LCOR: variants seen among roughly 807,000 people sequenced by gnomAD.
The protein encoded by LCOR is ligand-dependent corepressor.
A neutral mutation model predicts 64.4 loss-of-function variants in LCOR; 14 were observed. The ratio of observed to expected loss-of-function variants is 0.22; its 90% CI spans 0.14 to 0.34. LCOR has a LOEUF of 0.34. Ranked by LOEUF, LCOR falls within the 10% of genes least tolerant of loss-of-function variation. The probability of loss-of-function intolerance (pLI) is 1.00; values close to 1 mark genes in which losing one functional copy is unlikely to be tolerated. For synonymous variants in LCOR, 643 were observed against 642.5 expected (o/e 1.00, Z -0.01); for missense variants, 1,686 against 1,765.3 (o/e 0.96, Z 0.80).
chr10:96,832,709 T>G, intron 1 of LCOR, among the ~76,000 whole-genome samples: 1 of 144,714 alleles, frequency 6.9e-6, no homozygotes, highest in Non-Finnish European at 1.5e-5. Context: ...CCCTCCCCGC[T>G]CCCGCCCCTG....
intron 2 of LCOR, among the ~76,000 whole-genome samples, chr10:96,879,061 G>A (rs1846217109): frequency 6.6e-6 from 1 of 152,156 alleles, no homozygotes; most frequent in South Asian, 2.1e-4. Flanking sequence ...CTCCCAAAGT[G>A]CTGGGATTAC....
intron 2 of LCOR, among the ~76,000 whole-genome samples, chr10:96,834,665 T>C (rs1032701749): frequency 1.3e-5 from 2 of 152,196 alleles, no homozygotes; most frequent in African/African-American, 4.8e-5. Context: ...GATTGGTTTT[T>C]TCAGCAGGGC....
intron 2 of LCOR, among the ~76,000 whole-genome samples, chr10:96,857,652 G>A (rs1364845809): frequency 6.6e-6 from 1 of 152,094 alleles, no homozygotes; most frequent in African/African-American, 2.4e-5. Context: ...GAAAATTTTA[G>A]AAAAATACTG....
Position 96,907,766 on chromosome 10 carries a change from A to C in LCOR, c.-184+19A>C. 1.2e-6 allele frequency: 1 copy of C among 861,052 alleles called. No individual in the cohort carries two copies. Among genetic ancestry groups the C allele is most frequent in the Non-Finnish European group, 1.4e-6 (1 of 716,030 alleles). 53.3% of individuals were successfully genotyped at this position (861,052 alleles called of 1,614,324 possible). ...AGTAAAGGTAACTAAGAAGCCTGTGAAACTTTTATTTAGTGTAGTATTTTA... is the reference window on the plus strand; with the variant it reads ...AGTAAAGGTAACTAAGAAGCCTGTGCAACTTTTATTTAGTGTAGTATTTTA... On this transcript the variant is annotated intron_variant, in intron 4 of 7. Transcript: ENST00000421806.
intron 4 of LCOR, among the ~76,000 whole-genome samples, chr10:96,937,696 A>G (rs570875353): frequency 6.6e-6 from 1 of 152,250 alleles, no homozygotes; most frequent in East Asian, 1.9e-4. Flanking sequence ...AATTAATACC[A>G]TTTCTTCACA....
At chr10:96,875,397 T>C (rs1846147209) in intron 2 of LCOR, among the ~76,000 whole-genome samples, 1 of 151,480 alleles carries the variant, frequency 6.6e-6, no homozygotes, top group Non-Finnish European at 1.5e-5. Context: ...ATAATAATAA[T>C]ACCTAGTATA....
chr10:96,902,200 G>A (rs1371213204), intron 2 of LCOR, among the ~76,000 whole-genome samples: 2 of 151,834 alleles, frequency 1.3e-5, no homozygotes, highest in African/African-American at 4.8e-5. Flanking sequence ...TTCAAGTGCT[G>A]CTGTTTTGTC....
intron 4 of LCOR, among the ~76,000 whole-genome samples, chr10:96,932,261 A>G (rs906890344): frequency 6.6e-6 from 1 of 152,176 alleles, no homozygotes; most frequent in Non-Finnish European, 1.5e-5. Context: ...AGTACCCTCA[A>G]ACATTGCTTG....
intron 2 of LCOR, among the ~76,000 whole-genome samples, chr10:96,877,595 TG>T: frequency 6.9e-6 from 1 of 145,612 alleles, no homozygotes; most frequent in Non-Finnish European, 1.5e-5. Context: ...CTCATTTTTC[TG>T]AATTTTTTTT....
At chr10:96,840,410 C>T (rs973861260) in intron 2 of LCOR, among the ~76,000 whole-genome samples, 1 of 151,932 alleles carries the variant, frequency 6.6e-6, no homozygotes, top group African/African-American at 2.4e-5. Context: ...TAATGAAGTT[C>T]TTATAATTGA....
chr10:96,984,142 A>G lies in LCOR; in HGVS notation c.3682A>G (p.Ser1228Gly). 3 of 1,614,186 alleles carry G rather than the reference A, an allele frequency of 1.9e-6. No individual in the cohort carries two copies. Among genetic ancestry groups the G allele is most frequent in the Non-Finnish European group, 2.5e-6 (3 of 1,180,028 alleles). Residue 1228 changes from serine to glycine, a missense_variant, in exon 8 of 8, where the codon AGT (serine) becomes GGT (glycine). Ser to Gly is a moderately conservative substitution (Grantham distance 56). Around this residue, in one of 3 missense-constraint regions of LCOR, gnomAD observed 1,293 missense variants for 1,410.4 expected, o/e 0.92. Coordinates refer to ENST00000421806, the MANE Select transcript of LCOR (RefSeq NM_001346516.2). ...ATACGCTCCTTCCAGCCTATATCCC[A>G]GTTCACTACAGGCTGAGCGCTTGAA... is the stretch of plus-strand genomic sequence containing the variant. ...QKYAPSSLYP[S>G]SLQAERLKKH...
chr10:96,874,903 T>C (rs190801010), intron 2 of LCOR, among the ~76,000 whole-genome samples: 3 of 152,222 alleles, frequency 2.0e-5, no homozygotes, highest in African/African-American at 4.8e-5. Context: ...CTTAAAGTGC[T>C]GAGATTACAG....
At chr10:96,902,900 C>G (rs994428533) in intron 2 of LCOR, among the ~76,000 whole-genome samples, 2 of 152,118 alleles carry the variant, frequency 1.3e-5, no homozygotes, top group Admixed American at 1.3e-4. Flanking sequence ...TTTCAAACAT[C>G]GTAAAGTATA....
chr10:96,913,086 A>G (rs1846873198), intron 4 of LCOR, among the ~76,000 whole-genome samples: 1 of 151,244 alleles, frequency 6.6e-6, no homozygotes, highest in African/African-American at 2.4e-5. Flanking sequence ...TTTTGGCATT[A>G]AAAGATGTTC....
chr10:96,958,430 CAGA>C, intron 7 of LCOR: 2 of 1,374,416 alleles, frequency 1.5e-6, no homozygotes, highest in East Asian at 2.5e-5. Flanking sequence ...AATCGAGCAG[CAGA>C]AGAATGGTGT....
chr10:96,838,906 T>G (rs1845491776), intron 2 of LCOR, among the ~76,000 whole-genome samples: 1 of 152,222 alleles, frequency 6.6e-6, no homozygotes, highest in Admixed American at 6.5e-5. Context: ...CCAAATTGTT[T>G]CCTAAAGTGG....
intron 2 of LCOR, among the ~76,000 whole-genome samples, chr10:96,890,029 T>C (rs926073150): frequency 6.6e-6 from 1 of 152,170 alleles, no homozygotes; most frequent in Non-Finnish European, 1.5e-5. Context: ...CCACCAGCAA[T>C]GTGTGAGGGC....
Position 96,981,976 on chromosome 10 carries a change from T to C in LCOR, c.1516T>C (p.Phe506Leu). 1.2e-6 allele frequency: 2 copies of C among 1,614,106 alleles called. No individual in the cohort carries two copies. Among genetic ancestry groups the C allele is most frequent in the Non-Finnish European group, 1.7e-6 (2 of 1,180,040 alleles). Residue 506 changes from phenylalanine to leucine, a missense_variant, in exon 8 of 8, where the codon TTC becomes CTC. By Grantham distance (22) the Phe-to-Leu change is conservative. This residue lies in a region of LCOR where 1,293 missense variants were observed against 1,410.4 expected (regional missense o/e 0.92). Transcript: ENST00000421806. ...TARKSTRGYFFNGDCCELPTV... is the reference protein window; with the variant it reads ...TARKSTRGYFLNGDCCELPTV... ...CAGAAAGAGTACTCGAGGATACTTTTTCAATGGTGACTGTTGTGAGCTGCC... is the reference window on the plus strand; with the variant it reads ...CAGAAAGAGTACTCGAGGATACTTTCTCAATGGTGACTGTTGTGAGCTGCC...
chr10:96,969,471 G>T (rs2134552963), intron 7 of LCOR, among the ~76,000 whole-genome samples: 1 of 152,082 alleles, frequency 6.6e-6, no homozygotes, highest in South Asian at 2.1e-4. Context: ...AAGTCATAAA[G>T]TTAACTATGT....
Sources: allele counts gnomAD v4.1 joint callset (sites outside exome capture counted in the v4.1 genomes callset), GRCh38; gene constraint gnomAD v4.1.1; regional missense constraint gnomAD v4.1.1; transcripts MANE v1.5; gene names NCBI Gene and HGNC (gene_info 2026-07-23, HGNC 2026-07-21).